Variants in MPRIP observed in about 807,000 individuals in gnomAD.
The protein encoded by MPRIP is myosin phosphatase Rho interacting protein, also known as myosin phosphatase Rho-interacting protein.
A neutral mutation model predicts 234.9 loss-of-function variants in MPRIP; 59 were observed. The observed-to-expected ratio is 0.25, with a 90% CI of 0.20 to 0.31. The LOEUF is 0.31. Ranked by LOEUF, MPRIP falls within the 10% of genes least tolerant of loss-of-function variation. The probability of loss-of-function intolerance (pLI) is 1.00; values close to 1 mark genes in which losing one functional copy is unlikely to be tolerated. For missense variants in MPRIP, 2,436 were observed against 3,071.0 expected (o/e 0.79, Z 4.89); for synonymous variants, 1,144 against 1,263.9 (o/e 0.91, Z 2.01).
Position 17,150,193 on chromosome 17 carries a change from C to T in MPRIP, c.1679C>T (p.Thr560Ile). 1 of 1,613,652 alleles carries T rather than the reference C, an allele frequency of 6.2e-7. No homozygotes were observed. Among genetic ancestry groups the T allele is most frequent in the Non-Finnish European group, 8.5e-7 (1 of 1,179,806 alleles). The change falls in exon 12 of 24, where the codon ACA (threonine) becomes ATA (isoleucine). Residue 560 changes from threonine to isoleucine, a missense_variant. By Grantham distance (89) the Thr-to-Ile change is moderately conservative. Coordinates refer to ENST00000651222, the MANE Select transcript of MPRIP (RefSeq NM_001364716.4). Reference protein sequence around the residue: ...EIDLSACYDVTEYPVQRNYGF... With the variant: ...EIDLSACYDVIEYPVQRNYGF... ...GACTTGTCCGCATGTTACGATGTCA[C>T]AGAGTATCCAGTTCAGAGAAACTAT...
intron 1 of MPRIP, among the ~76,000 whole-genome samples, chr17:17,073,051 C>G (rs1389202724): frequency 6.6e-6 from 1 of 152,164 alleles, no homozygotes; most frequent in Admixed American, 6.5e-5. Flanking sequence ...AACATTACAT[C>G]ATCGCCAAAA....
Position 17,096,286 on chromosome 17 carries a change from A to AGG in MPRIP, c.267+18212_267+18213dup, listed in dbSNP as rs1277000938. On this transcript the variant is annotated intron_variant, in intron 3 of 23. Coordinates refer to ENST00000651222, the MANE Select transcript of MPRIP (RefSeq NM_001364716.4). ...TGCTTGGCAGGGTGTGTGTGTGTGC[A>AGG]GGGTGTGTGTGTGTGTGTGTGTGTG... 1.9e-4 allele frequency among the ~76,000 whole-genome samples: 15 copies of AGG among 79,098 alleles called. No homozygotes were observed. In the Admixed American group the frequency reaches 2.0e-3, roughly 11 times the overall value. 51.9% of individuals were successfully genotyped at this position (79,098 alleles called of 152,430 possible). A position where few individuals can be genotyped will look rare whatever the true frequency, so the allele number is the denominator to read the frequency against.
At chr17:17,149,941 T>C in intron 11 of MPRIP, 1 of 508,182 alleles carries the variant, frequency 2.0e-6, no homozygotes. Context: ...TATCTTTGGC[T>C]GGATACAGGG....
At chr17:17,123,668 C>T (rs1377002559) in intron 3 of MPRIP, among the ~76,000 whole-genome samples, 1 of 139,798 alleles carries the variant, frequency 7.2e-6, no homozygotes, top group Non-Finnish European at 1.5e-5. Flanking sequence ...CACACCACTG[C>T]ACTCCAGCCT....
At chr17:17,052,599 G>C (rs8070944) in intron 1 of MPRIP, among the ~76,000 whole-genome samples, 6,804 of 152,222 alleles carry the variant, frequency 0.045, 474 homozygotes, top group African/African-American at 0.14. Context: ...GTTAACCTTT[G>C]CTATCAGGAA....
intron 1 of MPRIP, among the ~76,000 whole-genome samples, chr17:17,048,835 T>C (rs1002936818): frequency 6.6e-6 from 1 of 152,206 alleles, no homozygotes; most frequent in Non-Finnish European, 1.5e-5. Flanking sequence ...TCTAGGTATA[T>C]GCCAAGAAGA....
rs1007737072 is a variant in MPRIP, at chr17:17,184,789, G to T, written c.7207-34G>T. 10 of 1,566,178 alleles carry T rather than the reference G, an allele frequency of 6.4e-6. No individual in the cohort carries two copies. In the African/African-American group the frequency reaches 1.2e-4, roughly 19 times the overall value. On this transcript the variant is annotated intron_variant, in intron 23 of 23. Coordinates refer to ENST00000651222, the MANE Select transcript of MPRIP (RefSeq NM_001364716.4). ...TCCAGTGCAGGGGGTCTAACGGTGT[G>T]TTTATTTTCTCCTCCTGCTCTGTCT...
At chr17:17,173,398 C>G (rs2046186889) in intron 18 of MPRIP, among the ~76,000 whole-genome samples, 2 of 152,344 alleles carry the variant, frequency 1.3e-5, no homozygotes, top group African/African-American at 4.8e-5. Context: ...TGGCAGCAGT[C>G]AGCAGCACCC....
rs577792691 is a variant in MPRIP at position 17,159,274 on chromosome 17, A to G, written c.2400+272A>G. Among the ~76,000 whole-genome samples the G allele has an allele frequency of 3.9e-5, 6 of 152,360 alleles. No homozygotes were observed. In the South Asian group the frequency reaches 6.2e-4, roughly 16 times the overall value. On this transcript the variant is annotated intron_variant, in intron 14 of 23. Transcript: ENST00000651222. ...TGGGGGCCCCTGCCATTGAGAGGCA[A>G]GCGGCGTTGCAGGGCCTAGATGGTT... is the stretch of plus-strand genomic sequence containing the variant.
chr17:17,134,839 G>A (rs966753749), intron 5 of MPRIP, among the ~76,000 whole-genome samples: 2 of 152,236 alleles, frequency 1.3e-5, no homozygotes, highest in Non-Finnish European at 2.9e-5. Context: ...GAGACTGGAT[G>A]TATGGATCCC....
chr17:17,067,633 A>T (rs911506429), intron 1 of MPRIP, among the ~76,000 whole-genome samples: 21 of 152,176 alleles, frequency 1.4e-4, no homozygotes, highest in African/African-American at 4.6e-4. Flanking sequence ...GGAGGGGGGA[A>T]CTACTGTGTA....
intron 18 of MPRIP, among the ~76,000 whole-genome samples, 170 bp downstream of exon 18, chr17:17,172,985 C>A (rs565728821): frequency 3.9e-5 from 6 of 152,358 alleles, no homozygotes; most frequent in African/African-American, 1.4e-4. Flanking sequence ...AGGATATGGC[C>A]CAAGTGGGGC....
rs1177154958 is a variant in MPRIP, at chr17:17,153,389, T to G, written c.1720-917T>G. Among the ~76,000 whole-genome samples the G allele has an allele frequency of 3.9e-5, 6 of 152,034 alleles. 1 individual carries two copies. The highest frequency in any genetic ancestry group is 8.8e-5 in the Non-Finnish European group (6 of 67,970). ...TCGGTTCAAGGCTGCAGCCCTCGCT[T>G]CTGTTGGGCAGGTGCCTGTAGGTGC... On this transcript the variant is annotated intron_variant, in intron 12 of 23. Transcript: ENST00000651222.
intron 3 of MPRIP, among the ~76,000 whole-genome samples, chr17:17,110,579 T>G (rs922296898): frequency 7.2e-5 from 11 of 152,128 alleles, no homozygotes; most frequent in African/African-American, 2.7e-4. Context: ...GGGGAGCAGC[T>G]CTGCAGCAGA....
intron 3 of MPRIP, among the ~76,000 whole-genome samples, chr17:17,114,525 G>T (rs2090242281): frequency 6.6e-6 from 1 of 152,010 alleles, no homozygotes; most frequent in Non-Finnish European, 1.5e-5. Context: ...GGTCTTCTGT[G>T]CATTTTATAG....
chr17:17,081,573 G>A (rs1256367606), intron 3 of MPRIP, among the ~76,000 whole-genome samples: 1 of 152,244 alleles, frequency 6.6e-6, no homozygotes, highest in Non-Finnish European at 1.5e-5. Flanking sequence ...CAGCCCCACT[G>A]GGTTGGGACC....
At chr17:17,084,906 G>T (rs1287433105) in intron 3 of MPRIP, among the ~76,000 whole-genome samples, 1 of 152,240 alleles carries the variant, frequency 6.6e-6, no homozygotes, top group Non-Finnish European at 1.5e-5. Flanking sequence ...AGAACATAGA[G>T]CCTGTAACTG....
intron 3 of MPRIP, among the ~76,000 whole-genome samples, chr17:17,122,418 A>G (rs1032390575): frequency 1.3e-5 from 2 of 152,220 alleles, no homozygotes; most frequent in African/African-American, 4.8e-5. Flanking sequence ...CAGTGGCGCA[A>G]TCTCGGCTCA....
Position 17,167,388 on chromosome 17 carries a change from G to T in MPRIP, c.5797G>T (p.Ala1933Ser). Residue 1933 changes from alanine to serine, a missense_variant, in exon 16 of 24, where the codon GCA becomes TCA. This residue lies in a region of MPRIP where 1,998 missense variants were observed against 2,520.3 expected (regional missense o/e 0.79). Coordinates refer to ENST00000651222, the MANE Select transcript of MPRIP (RefSeq NM_001364716.4). The surrounding 1 kb of genome is among the most constrained non-coding windows in gnomAD (Gnocchi z 5.9). ...LDHQQQCLED[A>S]ESKHSMSMFT... The stretch of plus-strand genomic sequence containing the variant: ...CCATCAGCAGCAGTGTCTGGAGGAT[G>T]CAGAGAGCAAGCACAGCATGAGCAT... 1 of 1,304,230 alleles carries T rather than the reference G, an allele frequency of 7.7e-7. No homozygotes were observed. The highest frequency in any genetic ancestry group is 1.5e-5 in the African/African-American group (1 of 65,978). The allele number at this position is 1,304,230 out of a possible 1,614,324, so 80.8% of individuals were successfully genotyped here.
Sources: allele counts gnomAD v4.1 joint callset (sites outside exome capture counted in the v4.1 genomes callset), GRCh38; gene constraint gnomAD v4.1.1; regional missense constraint gnomAD v4.1.1; non-coding constraint Gnocchi (gnomAD v3.1); transcripts MANE v1.5; gene names NCBI Gene and HGNC (gene_info 2026-07-23, HGNC 2026-07-21).